Variants in EP400 observed in about 807,000 individuals in gnomAD.
EP400 encodes the protein E1A binding protein p400.
Under a neutral mutation model 354.1 loss-of-function variants are expected in EP400, and 105 were observed. The ratio of observed to expected loss-of-function variants is 0.30; its 90% confidence interval spans 0.25 to 0.35. EP400 has a LOEUF of 0.35. Among genes scored for constraint, EP400 ranks in the 10% least tolerant of loss-of-function variants. The pLI, the probability that EP400 is intolerant of heterozygous loss-of-function variation, is 1.00. For synonymous variants in EP400, 1,646 were observed against 1,716.9 expected (o/e 0.96, Z 1.02); for missense variants, 3,280 against 4,121.0 (o/e 0.80, Z 5.59).
intron 2 of EP400, among the ~76,000 whole-genome samples, chr12:131,974,298 A>G (rs1892394426): frequency 6.6e-6 from 1 of 151,804 alleles, no homozygotes; most frequent in African/African-American, 2.4e-5. Flanking sequence ...ATTTTTTTGT[A>G]GAAATGGAGG....
chr12:132,009,973 C>T (rs555106980), intron 15 of EP400, among the ~76,000 whole-genome samples: 6 of 151,506 alleles, frequency 4.0e-5, no homozygotes, highest in South Asian at 4.2e-4. Context: ...TGTGAGCCAC[C>T]GTGCCTAGCC....
intron 2 of EP400, among the ~76,000 whole-genome samples, chr12:131,972,852 T>A (rs1296552776): frequency 6.6e-6 from 1 of 151,260 alleles, no homozygotes; most frequent in African/African-American, 2.4e-5. Context: ...CTGTCTCAGC[T>A]TCCTGAATAG....
chr12:132,059,148 T>A (rs541253880), intron 45 of EP400, among the ~76,000 whole-genome samples: 11 of 152,218 alleles, frequency 7.2e-5, no homozygotes, highest in African/African-American at 2.4e-4. Context: ...CATGTTTGCC[T>A]TGAAAATAAA....
At chr12:132,047,970 G>C (rs10902487) in intron 39 of EP400, among the ~76,000 whole-genome samples, 42,158 of 152,102 alleles carry the variant, frequency 0.28, 9,786 homozygotes, top group African/African-American at 0.64. Flanking sequence ...AATATTTCTC[G>C]CATTTGCTTT....
At chr12:131,969,957 A>G (rs936236594) in intron 2 of EP400, among the ~76,000 whole-genome samples, 3 of 152,166 alleles carry the variant, frequency 2.0e-5, no homozygotes, top group African/African-American at 7.2e-5. Context: ...GCTGAGGCAC[A>G]AGAATTGCTT....
At chr12:131,974,764 C>T (rs1391071914) in intron 2 of EP400, among the ~76,000 whole-genome samples, 3 of 151,772 alleles carry the variant, frequency 2.0e-5, no homozygotes, top group African/African-American at 4.8e-5. Flanking sequence ...CCGAGGCGGG[C>T]GGATCACGAG....
intron 1 of EP400, among the ~76,000 whole-genome samples, chr12:131,955,808 C>T (rs1891678316): frequency 6.6e-6 from 1 of 151,874 alleles, no homozygotes; most frequent in Admixed American, 6.6e-5. Flanking sequence ...CCATGCCCAG[C>T]TAATTTTTGT....
chr12:131,968,088 A>C (rs377524026), intron 2 of EP400, among the ~76,000 whole-genome samples: 1 of 152,124 alleles, frequency 6.6e-6, no homozygotes, highest in Non-Finnish European at 1.5e-5. Flanking sequence ...TTTTCAGAAC[A>C]AAAGTTTTAA....
Position 132,063,342 on chromosome 12 carries a change from G to A in EP400, c.8334+641G>A, listed in dbSNP as rs748373724. On this transcript the variant is annotated intron_variant, in intron 47 of 52. Transcript: ENST00000389561. ...AGCCTGGTCAACATGGCAAATCCCC[G>A]TCTCTACTAGAAATACAAAAATTAG... 3.7e-4 allele frequency among the ~76,000 whole-genome samples: 56 copies of A among 152,260 alleles called. 1 individual carries two copies. Among genetic ancestry groups the A allele is most frequent in the Admixed American group, 1.9e-3 (29 of 15,298 alleles).
chr12:131,984,202 G>C (rs1261899678), intron 5 of EP400, among the ~76,000 whole-genome samples: 1 of 152,092 alleles, frequency 6.6e-6, no homozygotes, highest in Non-Finnish European at 1.5e-5. Flanking sequence ...CCGGCCTACA[G>C]GTTCTTTATG....
chr12:132,062,027 CTCT>C, intron 45 of EP400, 80 bp from the exon 46 acceptor site: 1 of 1,268,338 alleles, frequency 7.9e-7, no homozygotes, highest in Non-Finnish European at 1.1e-6. Flanking sequence ...AAGTTGGGTG[CTCT>C]TGTCTTCCCT....
chr12:132,039,516 C>T (rs1894825284), intron 32 of EP400, among the ~76,000 whole-genome samples: 1 of 152,162 alleles, frequency 6.6e-6, no homozygotes, highest in Non-Finnish European at 1.5e-5. Context: ...CTGAGGGATC[C>T]ACCCGTGACC....
rs966045680 is a variant in EP400 at position 132,038,794 on chromosome 12, C to T, written c.6207+698C>T. Among the ~76,000 whole-genome samples the T allele has an allele frequency of 6.6e-5, 10 of 152,198 alleles. No homozygotes were observed. The highest frequency in any genetic ancestry group is 4.6e-4 in the Admixed American group (7 of 15,280). On this transcript the variant is annotated intron_variant, in intron 32 of 52. Coordinates refer to ENST00000389561, the MANE Select transcript of EP400 (RefSeq NM_015409.5). This position sits in a 1 kb window ranked among gnomAD's most constrained non-coding sequence, Gnocchi z 4.2. Reference sequence around the variant, plus strand: ...TGCCCGCCAAAGCCCTGCAGCCCCACGTCCTGGAGATGGAGGCCTTCAGCT... The same window carrying T: ...TGCCCGCCAAAGCCCTGCAGCCCCATGTCCTGGAGATGGAGGCCTTCAGCT...
At position 132,007,335 on chromosome 12, in the gene EP400, A is replaced by G. The variant is rs116867118; in HGVS notation, c.3304+458A>G. Among the ~76,000 whole-genome samples, 1,105 of 152,338 alleles carry G rather than the reference A, an allele frequency of 7.3e-3. 35 individuals carry two copies. In the South Asian group the frequency reaches 0.094, roughly 13 times the overall value. ...CCCTCTTGCTGGATTTCACCTGTCA[A>G]TGGGGCAGCGTTTCTGATCCACTGC... On this transcript the variant is annotated intron_variant, in intron 15 of 52. Coordinates refer to ENST00000389561, the MANE Select transcript of EP400 (RefSeq NM_015409.5).
intron 1 of EP400, among the ~76,000 whole-genome samples, chr12:131,953,390 T>C (rs538694480): frequency 6.6e-6 from 1 of 152,236 alleles, no homozygotes. Context: ...CCTGTTCTAG[T>C]ATAGGAGCTT....
intron 52 of EP400, 115 bp downstream of exon 52, chr12:132,076,708 C>T (rs930125021): frequency 3.2e-6 from 3 of 929,958 alleles, no homozygotes; most frequent in Non-Finnish European, 3.2e-6. Flanking sequence ...CACACAAAAA[C>T]ATTAACTTCA....
intron 12 of EP400, among the ~76,000 whole-genome samples, chr12:131,997,110 T>G (rs557026422): frequency 1.1e-4 from 17 of 152,272 alleles, no homozygotes; most frequent in Admixed American, 2.0e-4. Context: ...TTGAACAATG[T>G]GGGGATTAGG....
chr12:132,069,299 G>A (rs954187568), intron 50 of EP400, 196 bp from the exon 51 acceptor site: 13 of 700,582 alleles, frequency 1.9e-5, no homozygotes, highest in South Asian at 2.7e-5. Context: ...CGGCCATGCC[G>A]CATGGGCAGA....
chr12:132,006,754 A>G lies in EP400; in HGVS notation c.3181A>G (p.Ile1061Val), dbSNP rs748394861. ...LYGALRDYQK[I>V]GLDWLAKLYR... ...TGGGGCTCTCAGAGATTATCAGAAG[A>G]TTGGCCTGGACTGGCTGGCCAAACT... Residue 1061 changes from isoleucine to valine, a missense_variant, in exon 15 of 53, where the codon ATT becomes GTT. Around this residue, in one of 20 missense-constraint regions of EP400, gnomAD observed 242 missense variants for 357.9 expected, o/e 0.68. Transcript: ENST00000389561. 4 of 1,613,490 alleles carry G rather than the reference A, an allele frequency of 2.5e-6. No homozygotes were observed. Among genetic ancestry groups the G allele is most frequent in the African/African-American group, 2.7e-5 (2 of 75,022 alleles).
Sources: gnomAD v4.1 joint callset for allele counts (sites outside exome capture counted in the v4.1 genomes callset) on GRCh38, gnomAD v4.1.1 for gene constraint, gnomAD v4.1.1 regional missense constraint, Gnocchi (gnomAD v3.1) non-coding constraint, MANE v1.5 for transcripts, NCBI Gene and HGNC (gene_info 2026-07-23, HGNC 2026-07-21) for gene names.